BYSL: variants seen among roughly 807,000 people sequenced by gnomAD.
BYSL encodes the protein bystin like, also known as bystin.
A neutral mutation model predicts 45.4 loss-of-function variants in BYSL; 21 were observed. The observed-to-expected ratio is 0.46, with a 90% CI of 0.33 to 0.67. The LOEUF (loss-of-function observed/expected upper bound fraction) is 0.67. BYSL is among the 30% of genes least tolerant of loss of function. The probability of loss-of-function intolerance (pLI) is 0.02; values close to 1 mark genes in which losing one functional copy is unlikely to be tolerated. For synonymous variants in BYSL, 215 were observed against 231.3 expected, an observed-to-expected ratio of 0.93 and a Z score of 0.64; for missense variants, 522 against 578.5, an observed-to-expected ratio of 0.90 and a Z score of 1.00.
At chr6:41,930,052 G>GGGAGTCT (rs1291543373) in intron 2 of BYSL, 80 bp from the exon 3 acceptor site, 3 of 1,558,434 alleles carry the variant, frequency 1.9e-6, no homozygotes, top group African/African-American at 2.7e-5. Context: ...GGGGACTGTG[G>GGGAGTCT]GGAGTCTGGA....
chr6:41,916,318 G>A, the BYSL span, among the ~76,000 whole-genome samples: 5 of 151,998 alleles, frequency 3.3e-5, no homozygotes, highest in African/African-American at 4.8e-5. Context: ...AGTGGCTCAC[G>A]CCTGTAATCC....
chr6:41,908,911 G>A, the BYSL span: 1 of 319,708 alleles, frequency 3.1e-6, no homozygotes, highest in Non-Finnish European at 5.7e-6. Context: ...GGCCAGGTGT[G>A]TTGGCTCATA....
Position 41,932,628 on chromosome 6 carries a change from G to C in BYSL, c.1236G>C (p.Gln412His). Residue 412 changes from glutamine (Q) to histidine (H), a missense_variant, in exon 7 of 7, where the codon CAG (glutamine) becomes CAC (histidine). Physicochemically the swap from Gln to His is conservative, Grantham distance 24. Coordinates refer to ENST00000230340, the MANE Select transcript of BYSL (RefSeq NM_004053.4). The surrounding 1 kb of genome is among the most constrained non-coding windows in gnomAD (Gnocchi z 4.7). ...LELLRLQPHP[Q>H]LSPEIRRELQ... ...TGCTCCGGCTGCAGCCCCATCCACAGCTATCGCCCGAAATCAGGCGTGAGC... is the reference window on the plus strand; with the variant it reads ...TGCTCCGGCTGCAGCCCCATCCACACCTATCGCCCGAAATCAGGCGTGAGC... 1 of 1,614,224 alleles carries C rather than the reference G, an allele frequency of 6.2e-7. No individual in the cohort carries two copies. The highest frequency in any genetic ancestry group is 1.1e-5 in the South Asian group (1 of 91,090).
chr6:41,918,718 C>A (rs1236442570), upstream of BYSL, among the ~76,000 whole-genome samples: 5 of 151,158 alleles, frequency 3.3e-5, no homozygotes, highest in Admixed American at 6.6e-5. Flanking sequence ...GAGGCCGAGG[C>A]GGGTGGATCA....
chr6:41,914,795 C>T, the BYSL span, among the ~76,000 whole-genome samples: 10 of 151,942 alleles, frequency 6.6e-5, no homozygotes, highest in South Asian at 8.3e-4. Context: ...TCACTCAAAA[C>T]GCTAAAAAGA....
the BYSL span, among the ~76,000 whole-genome samples, chr6:41,911,154 C>CT: frequency 0.035 from 4,944 of 140,434 alleles, 125 homozygotes; most frequent in African/African-American, 0.069. Flanking sequence ...AGGCTAAAAA[C>CT]TTTTTTTTTT....
chr6:41,928,587 C>T (rs971094238), intron 2 of BYSL, among the ~76,000 whole-genome samples: 1 of 152,288 alleles, frequency 6.6e-6, no homozygotes, highest in African/African-American at 2.4e-5. Context: ...ATAGAGTAGA[C>T]AAGCTCCTTG....
At chr6:41,912,129 G>A in the BYSL span, among the ~76,000 whole-genome samples, 1 of 149,314 alleles carries the variant, frequency 6.7e-6, no homozygotes, top group African/African-American at 2.5e-5. Context: ...GCTCACTGAA[G>A]CCTCAACCTC....
upstream of BYSL, chr6:41,920,831 C>A (rs1317726609): frequency 3.5e-5 from 23 of 654,690 alleles, no homozygotes; most frequent in Middle Eastern, 4.2e-4. Flanking sequence ...GAGGAAGGGG[C>A]GCATCTCTGA....
At chr6:41,917,006 C>G, upstream of BYSL, 1 of 1,570,638 alleles carries the variant, frequency 6.4e-7, no homozygotes, top group Non-Finnish European at 8.7e-7. Flanking sequence ...GCCATTCACT[C>G]GCCCACAGCA....
Position 41,932,593 on chromosome 6 carries a change from C to T in BYSL, c.1201C>T (p.Leu401Phe), listed in dbSNP as rs903734272. Reference sequence around the variant, plus strand: ...CTTGGCCACAGACCAGAAAGAGGCCCTCTTAGAACTGCTCCGGCTGCAGCC... The same window carrying T: ...CTTGGCCACAGACCAGAAAGAGGCCTTCTTAGAACTGCTCCGGCTGCAGCC... ...ADLATDQKEA[L>F]LELLRLQPHP... The change falls in exon 7 of 7, where the codon CTC becomes TTC. Residue 401 changes from leucine to phenylalanine, a missense_variant. Physicochemically the swap from Leu to Phe is conservative, Grantham distance 22. Coordinates refer to ENST00000230340, the MANE Select transcript of BYSL (RefSeq NM_004053.4). This position sits in a 1 kb window ranked among gnomAD's most constrained non-coding sequence, Gnocchi z 4.7. 5 of 1,614,076 alleles carry T rather than the reference C, an allele frequency of 3.1e-6. No individual in the cohort carries two copies. The African/African-American group carries it at 6.7e-5, about 22-fold the overall frequency.
intron 4 of BYSL, 90 bp downstream of exon 4, chr6:41,930,858 C>A: frequency 1.4e-6 from 2 of 1,479,906 alleles, no homozygotes; most frequent in Non-Finnish European, 1.8e-6. Flanking sequence ...GGCCCCAGGG[C>A]ATTTGAGCTT....
At chr6:41,931,306 C>G in intron 4 of BYSL, 90 bp from the exon 5 acceptor site, 1 of 1,463,438 alleles carries the variant, frequency 6.8e-7, no homozygotes, top group East Asian at 2.3e-5. Context: ...ACTTTAAAAC[C>G]TCTTGTATGC....
chr6:41,920,870 G>A, upstream of BYSL: 5 of 1,131,386 alleles, frequency 4.4e-6, no homozygotes, highest in Non-Finnish European at 6.0e-6. Context: ...CCCGCAGCCC[G>A]GACGGCATCC....
chr6:41,921,699 A>T lies in BYSL; in HGVS notation c.137A>T (p.Glu46Val). ...CGGGGTCGCGGGACAGGAGAAGCGG[A>T]GGAAGAGTATGTGGGGCCCCGGCTG... ...KRRGRGTGEA[E>V]EEYVGPRLSR... Residue 46 changes from glutamate (E) to valine (V), a missense_variant, in exon 1 of 7, where the codon GAG (glutamate) becomes GTG (valine). Glu to Val is a moderately radical substitution (Grantham distance 121). Coordinates refer to ENST00000230340, the MANE Select transcript of BYSL (RefSeq NM_004053.4). The T allele has an allele frequency of 6.2e-7, 1 of 1,612,924 alleles. No individual in the cohort carries two copies. The highest frequency in any genetic ancestry group is 8.5e-7 in the Non-Finnish European group (1 of 1,179,634).
chr6:41,930,977 A>C (rs922374745), intron 4 of BYSL, among the ~76,000 whole-genome samples: 7 of 151,936 alleles, frequency 4.6e-5, no homozygotes, highest in Admixed American at 2.6e-4. Context: ...CTCCGTGATG[A>C]ATTTCTAGGG....
chr6:41,909,486 G>A, the BYSL span: 1 of 1,614,266 alleles, frequency 6.2e-7, no homozygotes, highest in South Asian at 1.1e-5. Flanking sequence ...TGGGTACTCT[G>A]AGTTGTGCAT....
chr6:41,917,064 A>T (rs1399116427), upstream of BYSL: 1 of 1,008,132 alleles, frequency 9.9e-7, no homozygotes, highest in East Asian at 2.6e-5. Context: ...ACCTACTCTG[A>T]CCGTCTCCCA....
Position 41,927,744 on chromosome 6 carries a change from A to C in BYSL, c.431+208A>C, listed in dbSNP as rs1775583844. On this transcript the variant is annotated intron_variant, in intron 2 of 6. Coordinates refer to ENST00000230340, the MANE Select transcript of BYSL (RefSeq NM_004053.4). ...CAAAAAACATTGTGTCCTTATGTCCATTTGTTGTACAACTGCCCAGTTGCC... is the reference window on the plus strand; with the variant it reads ...CAAAAAACATTGTGTCCTTATGTCCCTTTGTTGTACAACTGCCCAGTTGCC... 1.1e-5 allele frequency: 6 copies of C among 556,756 alleles called. No homozygotes were observed. In the South Asian group the frequency reaches 1.4e-4, roughly 13 times the overall value. 34.5% of individuals were successfully genotyped at this position (556,756 alleles called of 1,614,324 possible). A position where few individuals can be genotyped will look rare whatever the true frequency, so the allele number is the denominator to read the frequency against.
Sources: allele counts gnomAD v4.1 joint callset (sites outside exome capture counted in the v4.1 genomes callset), GRCh38; gene constraint gnomAD v4.1.1; non-coding constraint Gnocchi (gnomAD v3.1); transcripts MANE v1.5; gene names NCBI Gene and HGNC (gene_info 2026-07-23, HGNC 2026-07-21).